The following CMPK1 variants were observed in gnomAD, a reference collection of about 807,000 sequenced individuals.
CMPK1 encodes the protein UMP-CMP kinase.
A neutral mutation model predicts 25.7 loss-of-function variants in CMPK1; 10 were observed. The observed-to-expected ratio is 0.39, with a 90% CI of 0.24 to 0.66. CMPK1 has a LOEUF of 0.66. CMPK1 is among the 30% of genes least tolerant of loss of function. CMPK1 has a pLI of 0.48. For missense variants in CMPK1, 199 were observed against 280.5 expected (o/e 0.71, Z 2.08); for synonymous variants, 106 against 101.5 (o/e 1.04, Z -0.27).
chr1:47,372,692 G>A (rs1326899679), intron 2 of CMPK1, among the ~76,000 whole-genome samples: 5 of 152,200 alleles, frequency 3.3e-5, no homozygotes, highest in Admixed American at 3.3e-4. Flanking sequence ...AAAATTGTGT[G>A]TATAAAATGA....
Position 47,374,892 on chromosome 1 carries a change from T to C in CMPK1, c.472-17T>C. ...AATTCATATCTATATTTTTAATAAC[T>C]TTGTATCTCTTTTTAGATTTGTATT... On this transcript the variant is annotated splice_polypyrimidine_tract_variant and intron_variant, in intron 3 of 5. Coordinates refer to ENST00000371873, the MANE Select transcript of CMPK1 (RefSeq NM_016308.3). The C allele has an allele frequency of 6.3e-7, 1 of 1,579,856 alleles. No individual in the cohort carries two copies.
chr1:47,343,682 G>A (rs1646459553), intron 1 of CMPK1, among the ~76,000 whole-genome samples: 3 of 152,178 alleles, frequency 2.0e-5, no homozygotes, highest in Non-Finnish European at 4.4e-5. Flanking sequence ...GGGAAGCCAG[G>A]GTGCAAGAAT....
At chr1:47,374,734 A>G (rs1646696505) in intron 3 of CMPK1, among the ~76,000 whole-genome samples, 175 bp from the exon 4 acceptor site, 1 of 152,216 alleles carries the variant, frequency 6.6e-6, no homozygotes, top group Non-Finnish European at 1.5e-5. Context: ...TAGTTTATAT[A>G]AATTGAACCA....
At chr1:47,350,680 G>T (rs1243578112) in intron 1 of CMPK1, among the ~76,000 whole-genome samples, 1 of 152,044 alleles carries the variant, frequency 6.6e-6, no homozygotes, top group Non-Finnish European at 1.5e-5. Context: ...GAATCACGAG[G>T]TCAGGAGTTC....
intron 1 of CMPK1, among the ~76,000 whole-genome samples, chr1:47,354,396 T>G (rs762176263): frequency 2.0e-5 from 3 of 152,156 alleles, no homozygotes; most frequent in Non-Finnish European, 4.4e-5. Context: ...AGTTTATATG[T>G]ATATGTGTAT....
At chr1:47,336,789 G>A (rs1044264805) in intron 1 of CMPK1, among the ~76,000 whole-genome samples, 2 of 152,224 alleles carry the variant, frequency 1.3e-5, no homozygotes, top group African/African-American at 4.8e-5. Flanking sequence ...GCTTCTCAAA[G>A]TGTTGGCATT....
At chr1:47,363,927 A>G (rs1382181976) in intron 1 of CMPK1, among the ~76,000 whole-genome samples, 1 of 151,978 alleles carries the variant, frequency 6.6e-6, no homozygotes, top group African/African-American at 2.4e-5. Context: ...TAGGTGATCG[A>G]CCGAGATTCC....
In CMPK1 at chr1:47,377,624, T is replaced by C. The variant is rs1041409964; in HGVS notation, c.*879T>C. 5.2e-5 allele frequency: 8 copies of C among 152,648 alleles called. No homozygotes were observed. Among genetic ancestry groups the C allele is most frequent in the South Asian group, 2.1e-4 (1 of 4,836 alleles). 9.5% of individuals were successfully genotyped at this position (152,648 alleles called of 1,614,324 possible). On this transcript the variant is annotated 3_prime_UTR_variant, in exon 6 of 6. Coordinates refer to ENST00000371873, the MANE Select transcript of CMPK1 (RefSeq NM_016308.3). ...TTTTTTTTTGTTTGTTTTCTAGACTTAATAAAAGCTTAGGATTAATTAGAA... is the reference window on the plus strand; with the variant it reads ...TTTTTTTTTGTTTGTTTTCTAGACTCAATAAAAGCTTAGGATTAATTAGAA...
rs1382070179 is a variant in CMPK1, at chr1:47,377,664, A to G, written c.*919A>G. 6.6e-6 allele frequency: 1 copy of G among 152,614 alleles called. No individual in the cohort carries two copies. The highest frequency in any genetic ancestry group is 1.5e-5 in the Non-Finnish European group (1 of 68,028). 9.5% of individuals were successfully genotyped at this position (152,614 alleles called of 1,614,324 possible). On this transcript the variant is annotated 3_prime_UTR_variant, in exon 6 of 6. Coordinates refer to ENST00000371873, the MANE Select transcript of CMPK1 (RefSeq NM_016308.3). ...ATTAATTAGAAGAAGCAATCTAGTT[A>G]AATTTCCCATTTGTATTTTATTTTC...
At chr1:47,352,921 T>A (rs532026527) in intron 1 of CMPK1, among the ~76,000 whole-genome samples, 58 of 145,632 alleles carry the variant, frequency 4.0e-4, no homozygotes, top group Middle Eastern at 6.9e-3. Flanking sequence ...AAAATATACT[T>A]ATGAAGGTAA....
intron 1 of CMPK1, among the ~76,000 whole-genome samples, chr1:47,349,795 T>C (rs1646509845): frequency 6.6e-6 from 1 of 152,146 alleles, no homozygotes; most frequent in African/African-American, 2.4e-5. Context: ...TCTTGTTCTG[T>C]TGCCCAACTT....
intron 5 of CMPK1, 71 bp downstream of exon 5, chr1:47,375,364 A>G: frequency 9.6e-7 from 1 of 1,038,256 alleles, no homozygotes; most frequent in Admixed American, 2.6e-5. Context: ...TGGGGTAAGC[A>G]GGAAAAAAAG....
At chr1:47,358,355 C>G in intron 1 of CMPK1, 1 of 1,101,198 alleles carries the variant, frequency 9.1e-7, no homozygotes, top group Non-Finnish European at 1.2e-6. Flanking sequence ...TCGAGCAACC[C>G]TCTCGTCTTG....
At chr1:47,337,770 G>A (rs1021210990) in intron 1 of CMPK1, among the ~76,000 whole-genome samples, 22 of 151,974 alleles carry the variant, frequency 1.4e-4, no homozygotes, top group Non-Finnish European at 2.2e-4. Flanking sequence ...GCGCCACCAT[G>A]CCCGGCTAAT....
At chr1:47,347,852 A>AG (rs1646495972) in intron 1 of CMPK1, among the ~76,000 whole-genome samples, 1 of 152,144 alleles carries the variant, frequency 6.6e-6, no homozygotes, top group Non-Finnish European at 1.5e-5. Context: ...GGTGGTCTCG[A>AG]GCATCTGACT....
At chr1:47,375,142 C>T in intron 4 of CMPK1, 55 bp from the exon 5 acceptor site, 1 of 1,392,040 alleles carries the variant, frequency 7.2e-7, no homozygotes, top group East Asian at 2.3e-5. Flanking sequence ...TCTCCTATAA[C>T]ATGTAGAAGA....
At chr1:47,355,159 G>A (rs1326471281) in intron 1 of CMPK1, among the ~76,000 whole-genome samples, 10 of 151,688 alleles carry the variant, frequency 6.6e-5, no homozygotes, top group Admixed American at 1.3e-4. Flanking sequence ...CAATTCTCCC[G>A]CCTCAGCCTC....
Position 47,376,701 on chromosome 1 carries a change from C to A in CMPK1, c.646-3C>A. On this transcript the variant is annotated splice_region_variant and splice_polypyrimidine_tract_variant and intron_variant, in intron 5 of 5. Transcript: ENST00000371873. ...AAATTATTATCATCTTTTTCCTTTA[C>A]AGGTTTTTGATGAAGTTGTGCAGAT... 1 of 1,562,302 alleles carries A rather than the reference C, an allele frequency of 6.4e-7. No homozygotes were observed. Among genetic ancestry groups the A allele is most frequent in the Non-Finnish European group, 8.8e-7 (1 of 1,135,914 alleles).
At chr1:47,346,921 T>C (rs1646489127) in intron 1 of CMPK1, among the ~76,000 whole-genome samples, 1 of 150,546 alleles carries the variant, frequency 6.6e-6, no homozygotes, top group Non-Finnish European at 1.5e-5. Context: ...ATAACTGGGA[T>C]TACAGGCGCC....
Sources: gnomAD v4.1 joint callset for allele counts (sites outside exome capture counted in the v4.1 genomes callset) on GRCh38, gnomAD v4.1.1 for gene constraint, MANE v1.5 for transcripts, NCBI Gene and HGNC (gene_info 2026-07-23, HGNC 2026-07-21) for gene names.